Variants in L3HYPDH observed in about 807,000 individuals in gnomAD.
The protein encoded by L3HYPDH is trans-3-hydroxy-L-proline dehydratase.
A neutral mutation model predicts 26.5 loss-of-function variants in L3HYPDH; 32 were observed. That is an observed-to-expected ratio of 1.21 (90% CI 0.91 to 1.62). The LOEUF (loss-of-function observed/expected upper bound fraction) is 1.62. Ranked by LOEUF, L3HYPDH falls within the 40% of genes most tolerant of loss-of-function variation. The pLI is 0.00. For missense variants in L3HYPDH, 554 were observed against 476.4 expected (o/e 1.16, Z -1.52); for synonymous variants, 215 against 196.6 (o/e 1.09, Z -0.78).
the L3HYPDH span, among the ~76,000 whole-genome samples, chr14:59,501,602 T>C: frequency 6.6e-6 from 1 of 152,218 alleles, no homozygotes; most frequent in Non-Finnish European, 1.5e-5. Flanking sequence ...ACCATAAAAA[T>C]GTTTTATATT....
chr14:59,476,233 G>GTTCA lies in L3HYPDH; in HGVS notation c.679-20_679-19insTGAA. 7.5e-7 allele frequency: 1 copy of GTTCA among 1,336,576 alleles called. No homozygotes were observed. Among genetic ancestry groups the GTTCA allele is most frequent in the Non-Finnish European group, 1.0e-6 (1 of 995,040 alleles). 82.8% of individuals were successfully genotyped at this position (1,336,576 alleles called of 1,614,324 possible). A position where few individuals can be genotyped will look rare whatever the true frequency, so the allele number is the denominator to read the frequency against. On this transcript the variant is annotated intron_variant, in intron 2 of 4. Coordinates refer to ENST00000247194, the MANE Select transcript of L3HYPDH (RefSeq NM_144581.2). ...TTTTAAACTGCAAGTAACAAAAAAA[G>GTTCA]ATCACATGCAAAATAAATATTTTGA...
At chr14:59,470,275 T>A (rs886687922), downstream of L3HYPDH, among the ~76,000 whole-genome samples, 1 of 152,174 alleles carries the variant, frequency 6.6e-6, no homozygotes, top group Admixed American at 6.5e-5. Context: ...CCAGCAACAT[T>A]AGCATCGCCT....
At chr14:59,498,937 T>C in the L3HYPDH span, 4 of 1,338,934 alleles carry the variant, frequency 3.0e-6, no homozygotes, top group South Asian at 5.8e-5. Flanking sequence ...GTCAATGAAA[T>C]ATATTTATTA....
At chr14:59,495,246 A>C in the L3HYPDH span, 2 of 1,494,642 alleles carry the variant, frequency 1.3e-6, no homozygotes, top group African/African-American at 3.5e-5. Flanking sequence ...TTTCGACTTA[A>C]GATCATTGTT....
At chr14:59,504,272 A>C in the L3HYPDH span, 36 of 579,118 alleles carry the variant, frequency 6.2e-5, no homozygotes, top group South Asian at 7.5e-4. Flanking sequence ...ACTCTGTTAC[A>C]CAGGGTAATA....
At chr14:59,487,867 GTT>G, upstream of L3HYPDH, 5 of 1,578,174 alleles carry the variant, frequency 3.2e-6, 1 homozygote, top group Middle Eastern at 8.4e-4. Flanking sequence ...CTGGACTAAT[GTT>G]GGAATAATTA....
At chr14:59,485,060 C>T, upstream of L3HYPDH, 1 of 1,598,282 alleles carries the variant, frequency 6.3e-7, no homozygotes, top group Non-Finnish European at 8.5e-7. Context: ...AGCCATCGTT[C>T]GCTAAAGGAA....
downstream of L3HYPDH, among the ~76,000 whole-genome samples, chr14:59,470,281 C>T (rs944981142): frequency 6.6e-6 from 1 of 152,160 alleles, no homozygotes; most frequent in Admixed American, 6.5e-5. Context: ...ACATTAGCAT[C>T]GCCTGAGAGC....
Position 59,473,027 on chromosome 14 carries a change from C to T in L3HYPDH, c.1003G>A (p.Gly335Ser). 6.2e-7 allele frequency: 1 copy of T among 1,608,826 alleles called. No individual in the cohort carries two copies. The highest frequency in any genetic ancestry group is 1.1e-5 in the South Asian group (1 of 90,200). Residue 335 changes from glycine (G) to serine (S), a missense_variant, in exon 5 of 5, where the codon GGT becomes AGT. Coordinates refer to ENST00000247194, the MANE Select transcript of L3HYPDH (RefSeq NM_144581.2). ...TCTTCTATTATAAAGCTTGCTGTACCCGTGTAATGGGCTTGTCCTGATACT... is the reference window on the plus strand; with the variant it reads ...TCTTCTATTATAAAGCTTGCTGTACTCGTGTAATGGGCTTGTCCTGATACT... ...VEVSGQAHYTGTASFIIEDDD... is the reference protein window; with the variant it reads ...VEVSGQAHYTSTASFIIEDDD...
chr14:59,476,099 T>C lies in L3HYPDH; in HGVS notation c.794A>G (p.Asp265Gly). Residue 265 changes from aspartate to glycine, a missense_variant, in exon 3 of 5, where the codon GAT becomes GGT. Physicochemically the swap from Asp to Gly is moderately conservative, Grantham distance 94. Coordinates refer to ENST00000247194, the MANE Select transcript of L3HYPDH (RefSeq NM_144581.2). Reference protein sequence around the residue: ...EPTTNICVFADEQVDRSPTGS... With the variant: ...EPTTNICVFAGEQVDRSPTGS... ...ACATTACAGTTTTAATACCTGTTCA[T>C]CTGCAAAAACACAAATGTTGGTGGT... The C allele has an allele frequency of 6.2e-7, 1 of 1,614,020 alleles. No homozygotes were observed. The highest frequency in any genetic ancestry group is 8.5e-7 in the Non-Finnish European group (1 of 1,179,904).
chr14:59,497,847 G>A, the L3HYPDH span, among the ~76,000 whole-genome samples: 1 of 152,112 alleles, frequency 6.6e-6, no homozygotes, highest in Admixed American at 6.5e-5. Context: ...GGAAGCATGT[G>A]GTCCGTGATC....
chr14:59,481,100 G>A (rs1889988102), intron 1 of L3HYPDH, among the ~76,000 whole-genome samples: 1 of 152,122 alleles, frequency 6.6e-6, no homozygotes, highest in Non-Finnish European at 1.5e-5. Flanking sequence ...CTAGAATCTT[G>A]GGTCTGGTTT....
chr14:59,484,486 G>A, upstream of L3HYPDH: 1 of 1,454,644 alleles, frequency 6.9e-7, no homozygotes, highest in Non-Finnish European at 9.4e-7. Flanking sequence ...TGTCGCCCGG[G>A]TTACCGGGAG....
the L3HYPDH span, chr14:59,505,212 T>C: frequency 2.4e-6 from 3 of 1,271,456 alleles, no homozygotes; most frequent in African/African-American, 1.5e-5. Flanking sequence ...GTCTGTCTTT[T>C]GAATTCACAG....
At chr14:59,485,360 A>C (rs964220611), upstream of L3HYPDH, 1 of 409,914 alleles carries the variant, frequency 2.4e-6, no homozygotes, top group Non-Finnish European at 4.2e-6. Context: ...AGCGCCCATT[A>C]AAGAGGCCAG....
upstream of L3HYPDH, chr14:59,484,562 C>G (rs1890350611): frequency 6.4e-7 from 1 of 1,570,480 alleles, no homozygotes; most frequent in African/African-American, 1.4e-5. Context: ...TGATCTAGTG[C>G]TTCTCGAAAA....
At chr14:59,468,783 G>T (rs2054279490), downstream of L3HYPDH, among the ~76,000 whole-genome samples, 2 of 152,202 alleles carry the variant, frequency 1.3e-5, no homozygotes, top group African/African-American at 4.8e-5. Context: ...TGTAAGAGGA[G>T]AATCTGGAAT....
the L3HYPDH span, among the ~76,000 whole-genome samples, chr14:59,499,190 A>G: frequency 6.2e-4 from 94 of 151,354 alleles, no homozygotes; most frequent in African/African-American, 2.1e-3. Flanking sequence ...CACCCAGCTA[A>G]TTTTTGTATT....
upstream of L3HYPDH, chr14:59,485,348 T>A (rs552748333): frequency 2.3e-6 from 1 of 428,456 alleles, no homozygotes; most frequent in Non-Finnish European, 4.0e-6. Flanking sequence ...ACAAAAAAAA[T>A]AAGCGCCCAT....
Sources: allele counts gnomAD v4.1 joint callset (sites outside exome capture counted in the v4.1 genomes callset), GRCh38; gene constraint gnomAD v4.1.1; transcripts MANE v1.5; gene names NCBI Gene and HGNC (gene_info 2026-07-23, HGNC 2026-07-21).